Variants in PCP4 observed in about 807,000 individuals in gnomAD.
The protein encoded by PCP4 is calmodulin regulator protein PCP4.
A neutral mutation model predicts 10.0 loss-of-function variants in PCP4; 8 were observed. That is an observed-to-expected ratio of 0.80 (90% CI 0.47 to 1.45). The LOEUF (loss-of-function observed/expected upper bound fraction) is 1.45, where lower values mean the gene tolerates loss of function less well. Among genes scored for constraint, PCP4 ranks in the 40% most tolerant of loss-of-function variants. PCP4 has a pLI of 0.00. For missense variants in PCP4, 54 were observed against 74.4 expected (o/e 0.73, Z 1.01); for synonymous variants, 21 against 23.0 (o/e 0.91, Z 0.24).
chr21:39,925,844 C>A (rs573546861), intron 2 of PCP4, among the ~76,000 whole-genome samples: 3 of 152,252 alleles, frequency 2.0e-5, no homozygotes, highest in South Asian at 4.1e-4. Flanking sequence ...CCTTGGGGAA[C>A]CTTGGCAGGC....
intron 2 of PCP4, among the ~76,000 whole-genome samples, chr21:39,918,349 A>G (rs776254767): frequency 2.6e-5 from 4 of 152,212 alleles, no homozygotes; most frequent in Non-Finnish European, 5.9e-5. Flanking sequence ...TATATAAGCC[A>G]GGGTGCCTCT....
At chr21:39,925,907 C>A in intron 2 of PCP4, 1 of 385,700 alleles carries the variant, frequency 2.6e-6, no homozygotes, top group Non-Finnish European at 5.3e-6. Context: ...GTGGTCCCTT[C>A]CCTTACTCTC....
At chr21:39,882,870 G>A (rs2087382362) in intron 1 of PCP4, among the ~76,000 whole-genome samples, 2 of 152,234 alleles carry the variant, frequency 1.3e-5, no homozygotes, top group Admixed American at 1.3e-4. Flanking sequence ...GGGATGGGGA[G>A]AGAAATCGAA....
intron 1 of PCP4, among the ~76,000 whole-genome samples, chr21:39,877,958 C>T (rs892317709): frequency 6.6e-6 from 1 of 152,096 alleles, no homozygotes; most frequent in Non-Finnish European, 1.5e-5. Flanking sequence ...AATCAGTCAT[C>T]ACAAATTTTG....
rs2299766 is a variant in PCP4 at position 39,906,769 on chromosome 21, A to G, written c.61+8242A>G. Among the ~76,000 whole-genome samples, 128,672 of 152,182 alleles carry G rather than the reference A, an allele frequency of 0.85. 54,441 individuals are homozygous for G. Among genetic ancestry groups the G allele is most frequent in the African/African-American group, 0.87 (36,107 of 41,516 alleles). On this transcript the variant is annotated intron_variant, in intron 2 of 2. Coordinates refer to ENST00000328619, the MANE Select transcript of PCP4 (RefSeq NM_006198.3). This position sits in a 1 kb window ranked among gnomAD's most constrained non-coding sequence, Gnocchi z 6.3. Reference sequence around the variant, plus strand: ...AGTTATACATTATTCTCAATGAATTACTCTTAAAGATCTTCAAGATCTTGG... The same window carrying G: ...AGTTATACATTATTCTCAATGAATTGCTCTTAAAGATCTTCAAGATCTTGG...
At chr21:39,887,771 A>G (rs1021207988) in intron 1 of PCP4, among the ~76,000 whole-genome samples, 1 of 152,210 alleles carries the variant, frequency 6.6e-6, no homozygotes, top group Non-Finnish European at 1.5e-5. Context: ...GCCTTCGTCA[A>G]AATAACATTA....
At chr21:39,904,782 G>A (rs2087498334) in intron 2 of PCP4, among the ~76,000 whole-genome samples, 1 of 152,154 alleles carries the variant, frequency 6.6e-6, no homozygotes, top group Admixed American at 6.5e-5. Context: ...GCAGGTGTCT[G>A]GAATCCAGGG....
intron 1 of PCP4, among the ~76,000 whole-genome samples, chr21:39,887,762 C>G (rs1421816608): frequency 6.6e-6 from 1 of 152,140 alleles, no homozygotes; most frequent in Non-Finnish European, 1.5e-5. Flanking sequence ...GCCTGATTAG[C>G]CTTCGTCAAA....
chr21:39,917,822 A>G (rs952238158), intron 2 of PCP4, among the ~76,000 whole-genome samples: 1 of 152,128 alleles, frequency 6.6e-6, no homozygotes, highest in African/African-American at 2.4e-5. Context: ...CCTAATCTCC[A>G]TAACCTCAGA....
At chr21:39,901,097 T>A (rs577364638) in intron 2 of PCP4, among the ~76,000 whole-genome samples, 1 of 152,320 alleles carries the variant, frequency 6.6e-6, no homozygotes, top group East Asian at 1.9e-4. Flanking sequence ...ACAGCTGGAT[T>A]TTCATACTGG....
intron 1 of PCP4, among the ~76,000 whole-genome samples, chr21:39,895,621 T>C (rs1367025052): frequency 1.3e-5 from 2 of 152,232 alleles, no homozygotes. Flanking sequence ...TTCCTCTCTG[T>C]GCCTCAGGAT....
chr21:39,909,335 G>A (rs1225746368), intron 2 of PCP4, among the ~76,000 whole-genome samples: 5 of 152,174 alleles, frequency 3.3e-5, no homozygotes, highest in Admixed American at 6.5e-5. Context: ...CTGTTGTTCC[G>A]TGTCGCTGCT....
At position 39,905,842 on chromosome 21, in the gene PCP4, A is replaced by G. The variant is rs2087504775; in HGVS notation, c.61+7315A>G. ...GGCGGGTGGATCACGAGGTCAGGAG[A>G]TCGAGACCATCCTGGCTAACACGGT... On this transcript the variant is annotated intron_variant, in intron 2 of 2. Transcript: ENST00000328619. 2.6e-5 allele frequency among the ~76,000 whole-genome samples: 4 copies of G among 152,058 alleles called. No individual in the cohort carries two copies. In the South Asian group the frequency reaches 8.3e-4, roughly 32 times the overall value.
At chr21:39,926,072 A>G (rs1047784659) in intron 2 of PCP4, 7 of 455,576 alleles carry the variant, frequency 1.5e-5, no homozygotes, top group Non-Finnish European at 3.1e-5. Flanking sequence ...TCTTCCTTAC[A>G]CACTCCTGAC....
chr21:39,890,356 C>CTATT (rs1254712714), intron 1 of PCP4, among the ~76,000 whole-genome samples: 1 of 151,922 alleles, frequency 6.6e-6, no homozygotes, highest in Non-Finnish European at 1.5e-5. Flanking sequence ...ATTTCGTTAT[C>CTATT]TATTTATTTA....
intron 1 of PCP4, among the ~76,000 whole-genome samples, chr21:39,886,139 G>A (rs190497905): frequency 3.5e-4 from 53 of 152,304 alleles, no homozygotes; most frequent in Admixed American, 1.1e-3. Context: ...TCTTCCAATA[G>A]GATGACACTG....
chr21:39,911,108 C>A (rs900789525), intron 2 of PCP4, among the ~76,000 whole-genome samples: 3 of 151,796 alleles, frequency 2.0e-5, no homozygotes, highest in Non-Finnish European at 4.4e-5. Context: ...AAGGGGATAT[C>A]GCACATGAGT....
intron 1 of PCP4, among the ~76,000 whole-genome samples, chr21:39,872,210 AC>A (rs2087323913): frequency 6.6e-6 from 1 of 152,086 alleles, no homozygotes; most frequent in Non-Finnish European, 1.5e-5. Flanking sequence ...TATTGGTCTG[AC>A]TGGTCTCGAA....
At chr21:39,896,312 G>A (rs568156724) in intron 1 of PCP4, among the ~76,000 whole-genome samples, 1 of 152,208 alleles carries the variant, frequency 6.6e-6, no homozygotes, top group African/African-American at 2.4e-5. Context: ...TTTTATTTGA[G>A]CCATCTATGA....
Sources: allele counts gnomAD v4.1 joint callset (sites outside exome capture counted in the v4.1 genomes callset), GRCh38; gene constraint gnomAD v4.1.1; non-coding constraint Gnocchi (gnomAD v3.1); transcripts MANE v1.5; gene names NCBI Gene and HGNC (gene_info 2026-07-23, HGNC 2026-07-21).